CBR4: variants seen among roughly 807,000 people sequenced by gnomAD.
CBR4 encodes 3-oxoacyl-[acyl-carrier-protein] reductase.
Under a neutral mutation model 21.0 loss-of-function variants are expected in CBR4, and 22 were observed. The observed-to-expected ratio is 1.05, with a 90% CI of 0.75 to 1.50. The LOEUF (loss-of-function observed/expected upper bound fraction) is 1.50, where lower values mean the gene tolerates loss of function less well. Among genes scored for constraint, CBR4 ranks in the 40% most tolerant of loss-of-function variants. The pLI is 0.00. For missense variants in CBR4, 302 were observed against 286.3 expected (o/e 1.05, Z -0.40); for synonymous variants, 100 against 104.4 (o/e 0.96, Z 0.26).
intron 2 of CBR4, among the ~76,000 whole-genome samples, chr4:168,952,000 C>CA (rs1331177262): frequency 6.6e-6 from 1 of 152,158 alleles, no homozygotes; most frequent in Non-Finnish European, 1.5e-5. Flanking sequence ...ATTATTCCCC[C>CA]AAATATGTTT....
chr4:168,898,899 G>T (rs1250040359), intron 2 of CBR4, among the ~76,000 whole-genome samples: 1 of 152,198 alleles, frequency 6.6e-6, no homozygotes, highest in Non-Finnish European at 1.5e-5. Context: ...AAAAAAGGTG[G>T]TGGGGGGAGT....
chr4:168,927,909 A>ATCTT lies in CBR4; in HGVS notation n.170-33148_170-33145dup, dbSNP rs1762757878. On this transcript the variant is annotated intron_variant and non_coding_transcript_variant, in intron 2 of 3. Coordinates refer to the CBR4 transcript ENST00000509108. ...TGTATTCCTTATGCAAAACACATGT[A>ATCTT]TCTTTCATTATTTATAAGTGGCCTC... 1.5e-5 allele frequency: 3 copies of ATCTT among 201,816 alleles called. No homozygotes were observed. In the South Asian group the frequency reaches 5.7e-4, roughly 38 times the overall value. The allele number at this position is 201,816 out of a possible 1,614,324, so 12.5% of individuals were successfully genotyped here. A position where few individuals can be genotyped will look rare whatever the true frequency, so the allele number is the denominator to read the frequency against.
intron 2 of CBR4, among the ~76,000 whole-genome samples, chr4:168,917,541 A>T (rs1193462608): frequency 6.6e-6 from 1 of 152,134 alleles, no homozygotes; most frequent in African/African-American, 2.4e-5. Flanking sequence ...CTGTTTACTG[A>T]TCTTAAATTT....
intron 2 of CBR4, among the ~76,000 whole-genome samples, chr4:168,952,417 A>G (rs1201668495): frequency 6.6e-6 from 1 of 152,084 alleles, no homozygotes; most frequent in African/African-American, 2.4e-5. Context: ...TTTCTGGGGT[A>G]AATCAGAAAT....
At chr4:169,009,112 C>T in intron 1 of CBR4, 1 of 441,962 alleles carries the variant, frequency 2.3e-6, no homozygotes, top group Non-Finnish European at 4.5e-6. Context: ...CCACAAGACG[C>T]ACCCCTAGGC....
In CBR4 at chr4:168,989,700, T is replaced by C; in HGVS notation, c.*450A>G. Reference sequence around the variant, plus strand: ...ATTAGACAATATAATTTTTCCACTTTTGAGACAAAATATATAAATCAATAC... The same window carrying C: ...ATTAGACAATATAATTTTTCCACTTCTGAGACAAAATATATAAATCAATAC... On this transcript the variant is annotated 3_prime_UTR_variant, in exon 5 of 5. Coordinates refer to ENST00000306193, the MANE Select transcript of CBR4 (RefSeq NM_032783.5). The C allele has an allele frequency of 1.0e-6, 1 of 979,232 alleles. No individual in the cohort carries two copies. The highest frequency in any genetic ancestry group is 1.2e-6 in the Non-Finnish European group (1 of 824,626). 60.7% of individuals were successfully genotyped at this position (979,232 alleles called of 1,614,324 possible). A position where few individuals can be genotyped will look rare whatever the true frequency, so the allele number is the denominator to read the frequency against.
chr4:168,993,518 G>A (rs1350785932), intron 4 of CBR4, among the ~76,000 whole-genome samples: 2 of 152,058 alleles, frequency 1.3e-5, no homozygotes, highest in Non-Finnish European at 2.9e-5. Context: ...GCCAACAAAA[G>A]TATTTTCAAA....
intron 2 of CBR4, among the ~76,000 whole-genome samples, chr4:168,915,304 T>TCTCTGGCAA (rs1430131608): frequency 1.3e-5 from 2 of 152,218 alleles, no homozygotes; most frequent in African/African-American, 4.8e-5. Context: ...CTTAAAGGTT[T>TCTCTGGCAA]CTCTGGCAAC....
intron 4 of CBR4, among the ~76,000 whole-genome samples, chr4:168,997,536 G>C (rs1413996718): frequency 1.3e-5 from 2 of 152,150 alleles, no homozygotes; most frequent in African/African-American, 4.8e-5. Context: ...CTAGGCTGCA[G>C]TGAGCCAAGA....
intron 2 of CBR4, among the ~76,000 whole-genome samples, chr4:168,967,911 T>C (rs958688416): frequency 2.0e-5 from 3 of 152,164 alleles, no homozygotes; most frequent in Non-Finnish European, 2.9e-5. Flanking sequence ...GGAGGAAACA[T>C]GATTATAGGA....
At chr4:168,936,447 A>C (rs1763114965) in intron 2 of CBR4, among the ~76,000 whole-genome samples, 1 of 152,204 alleles carries the variant, frequency 6.6e-6, no homozygotes. Flanking sequence ...ACGAACTGAC[A>C]GAAGTAGGCT....
chr4:168,985,897 G>A (rs139598260), downstream of CBR4, among the ~76,000 whole-genome samples: 2 of 152,154 alleles, frequency 1.3e-5, no homozygotes, highest in East Asian at 3.9e-4. Context: ...TACACACTGG[G>A]GCCTACTTGA....
At chr4:168,910,092 A>G (rs1758598739) in intron 2 of CBR4, among the ~76,000 whole-genome samples, 1 of 152,100 alleles carries the variant, frequency 6.6e-6, no homozygotes, top group South Asian at 2.1e-4. Flanking sequence ...CCTTTTTCTT[A>G]AATTTGGGAA....
chr4:168,956,101 T>C (rs1763677533), intron 2 of CBR4, among the ~76,000 whole-genome samples: 1 of 152,170 alleles, frequency 6.6e-6, no homozygotes, highest in Non-Finnish European at 1.5e-5. Flanking sequence ...AGTTAACATT[T>C]TGTGAACAAA....
At chr4:169,006,692 A>C in intron 3 of CBR4, 63 bp downstream of exon 3, 1 of 1,384,970 alleles carries the variant, frequency 7.2e-7, no homozygotes, top group Non-Finnish European at 1.0e-6. Flanking sequence ...AAATTCGTGG[A>C]TTAAATATTT....
intron 2 of CBR4, chr4:168,896,648 T>C (rs1465660970): frequency 5.8e-6 from 6 of 1,029,564 alleles, no homozygotes; most frequent in Middle Eastern, 2.0e-4. Flanking sequence ...CTGTGTCTGT[T>C]TTCTTCTGTT....
intron 2 of CBR4, among the ~76,000 whole-genome samples, chr4:168,965,338 T>C (rs980339811): frequency 2.0e-5 from 3 of 152,146 alleles, no homozygotes; most frequent in Admixed American, 2.0e-4. Context: ...AGGTAATTTA[T>C]AGATTTAATG....
chr4:168,923,934 T>G (rs1396457549), intron 2 of CBR4, among the ~76,000 whole-genome samples: 2 of 152,074 alleles, frequency 1.3e-5, no homozygotes, highest in African/African-American at 4.8e-5. Context: ...TAATCACTAG[T>G]AGTGAAGCCA....
rs1764843445 is a variant in CBR4, at chr4:168,990,200, T to C, written c.664A>G (p.Ile222Val). 6.2e-7 allele frequency: 1 copy of C among 1,613,156 alleles called. No homozygotes were observed. Among genetic ancestry groups the C allele is most frequent in the African/African-American group, 1.3e-5 (1 of 74,852 alleles). Residue 222 changes from isoleucine to valine, a missense_variant, in exon 5 of 5, where the codon ATT becomes GTT. Physicochemically the swap from Ile to Val is conservative, Grantham distance 29. Coordinates refer to ENST00000306193, the MANE Select transcript of CBR4 (RefSeq NM_032783.5). The stretch of plus-strand genomic sequence containing the variant: ...TCCACTACCAGAACATGCCCTGTAA[T>C]ATACGGTGATTCTAAAAGAAACACA... Reference protein sequence around the residue: ...AVVFLLESPYITGHVLVVDGG... With the variant: ...AVVFLLESPYVTGHVLVVDGG...
Sources: allele counts gnomAD v4.1 joint callset (sites outside exome capture counted in the v4.1 genomes callset), GRCh38; gene constraint gnomAD v4.1.1; transcripts MANE v1.5; gene names NCBI Gene and HGNC (gene_info 2026-07-23, HGNC 2026-07-21).